The following SNX2 variants were observed in gnomAD, a reference collection of about 807,000 sequenced individuals.
SNX2 encodes the protein sorting nexin-2.
In SNX2, 25 loss-of-function variants were observed where a neutral mutation model predicts 69.9. The ratio of observed to expected loss-of-function variants is 0.36; its 90% CI spans 0.26 to 0.50. The LOEUF (loss-of-function observed/expected upper bound fraction) is 0.50. Among genes scored for constraint, SNX2 ranks in the 20% least tolerant of loss-of-function variants. The pLI, the probability that SNX2 is intolerant of heterozygous loss-of-function variation, is 0.97. For missense variants in SNX2, 551 were observed against 613.3 expected, an observed-to-expected ratio of 0.90 and a Z score of 1.07; for synonymous variants, 229 against 200.4, an observed-to-expected ratio of 1.14 and a Z score of -1.20.
chr5:122,820,504 C>G (rs1211767211), intron 11 of SNX2, among the ~76,000 whole-genome samples: 1 of 151,920 alleles, frequency 6.6e-6, no homozygotes, highest in Non-Finnish European at 1.5e-5. Flanking sequence ...CAACTGCACT[C>G]CAGCCTGGCG....
intron 11 of SNX2, among the ~76,000 whole-genome samples, chr5:122,821,599 C>T (rs1333363139): frequency 6.6e-6 from 1 of 151,984 alleles, no homozygotes; most frequent in Non-Finnish European, 1.5e-5. Context: ...GGACTACAGG[C>T]GCCCACCATC....
Position 122,827,493 on chromosome 5 carries a change from C to A in SNX2, c.1437+34C>A, listed in dbSNP as rs767488587. ...AATAATTTTGCATTTATCTTAACAACATGGTCACATTTTGCTGCAATTTTG... is the reference window on the plus strand; with the variant it reads ...AATAATTTTGCATTTATCTTAACAAAATGGTCACATTTTGCTGCAATTTTG... On this transcript the variant is annotated intron_variant, in intron 13 of 14. Coordinates refer to ENST00000379516, the MANE Select transcript of SNX2 (RefSeq NM_003100.4). The A allele has an allele frequency of 4.4e-6, 7 of 1,601,616 alleles. No individual in the cohort carries two copies. In the African/African-American group the frequency reaches 9.4e-5, roughly 21 times the overall value.
chr5:122,816,559 C>G (rs966038380), intron 8 of SNX2, among the ~76,000 whole-genome samples: 1 of 152,114 alleles, frequency 6.6e-6, no homozygotes, highest in African/African-American at 2.4e-5. Context: ...TCAAGACTTT[C>G]TTCTTTCCTT....
intron 1 of SNX2, among the ~76,000 whole-genome samples, chr5:122,778,345 G>A (rs1166252658): frequency 6.6e-6 from 1 of 152,080 alleles, no homozygotes; most frequent in Non-Finnish European, 1.5e-5. Context: ...CCAGTAGTGG[G>A]ATTGCTGAAT....
chr5:122,799,147 C>T (rs1437539673), intron 2 of SNX2, among the ~76,000 whole-genome samples: 1 of 152,078 alleles, frequency 6.6e-6, no homozygotes, highest in African/African-American at 2.4e-5. Context: ...TAATTTAAAA[C>T]CTAAACACCT....
In SNX2 at chr5:122,815,814, A is replaced by T; in HGVS notation, c.723-82A>T. Reference sequence around the variant, plus strand: ...GGTAGTGAGGACACTTTTTTTTCCTAGTATTTCTATTTTTTTATCATTTTG... The same window carrying T: ...GGTAGTGAGGACACTTTTTTTTCCTTGTATTTCTATTTTTTTATCATTTTG... On this transcript the variant is annotated intron_variant, in intron 7 of 14. Coordinates refer to ENST00000379516, the MANE Select transcript of SNX2 (RefSeq NM_003100.4). 1.6e-5 allele frequency: 11 copies of T among 669,136 alleles called. No individual in the cohort carries two copies. The Admixed American group carries it at 1.8e-4, about 11-fold the overall frequency. The allele number at this position is 669,136 out of a possible 1,614,324, so 41.4% of individuals were successfully genotyped here. A position where few individuals can be genotyped will look rare whatever the true frequency, so the allele number is the denominator to read the frequency against.
rs58159922 is a variant in SNX2, at chr5:122,831,009, C to CAAAAAAAA, written c.*1378_*1385dup. Among the ~76,000 whole-genome samples, 13 of 62,996 alleles carry CAAAAAAAA rather than the reference C, an allele frequency of 2.1e-4. 1 individual carries two copies. The highest frequency in any genetic ancestry group is 4.2e-4 in the African/African-American group (7 of 16,766). The allele number at this position is 62,996 out of a possible 152,430, so 41.3% of individuals were successfully genotyped here. On this transcript the variant is annotated 3_prime_UTR_variant, in exon 15 of 15. Coordinates refer to ENST00000379516, the MANE Select transcript of SNX2 (RefSeq NM_003100.4). ...AGGCAACAAAAGCAAAACTCCATCT[C>CAAAAAAAA]AAAAAAAAAAAAAAAAAAAAAAAAG...
At chr5:122,798,164 T>C (rs981940931) in intron 2 of SNX2, among the ~76,000 whole-genome samples, 5 of 151,682 alleles carry the variant, frequency 3.3e-5, no homozygotes, top group Admixed American at 6.6e-5. Context: ...ATATACTGCT[T>C]TTTTTTTACT....
At chr5:122,805,216 G>A (rs1416962006) in intron 6 of SNX2, among the ~76,000 whole-genome samples, 2 of 151,570 alleles carry the variant, frequency 1.3e-5, no homozygotes, top group African/African-American at 4.9e-5. Flanking sequence ...GCTTGAACTG[G>A]GGAGGCAGAG....
At chr5:122,815,691 G>A (rs1054062589) in intron 7 of SNX2, 2 of 352,640 alleles carry the variant, frequency 5.7e-6, no homozygotes, top group Non-Finnish European at 5.1e-6. Context: ...TATGAAAACT[G>A]GATAGTATAT....
chr5:122,817,863 A>G (rs1025862443), intron 10 of SNX2, among the ~76,000 whole-genome samples: 6 of 152,056 alleles, frequency 3.9e-5, no homozygotes, highest in African/African-American at 1.4e-4. Context: ...TTGAACTGCA[A>G]TATTGAAAAA....
chr5:122,817,465 T>C (rs1753923882), intron 10 of SNX2, 92 bp downstream of exon 10: 1 of 786,506 alleles, frequency 1.3e-6, no homozygotes, highest in Non-Finnish European at 1.9e-6. Flanking sequence ...TCTGAAGTTA[T>C]TGCAGAAGAG....
chr5:122,807,201 G>C (rs1455755808), intron 6 of SNX2, among the ~76,000 whole-genome samples: 1 of 152,118 alleles, frequency 6.6e-6, no homozygotes. Flanking sequence ...TATAGGGGCT[G>C]CAGTGAACCG....
intron 7 of SNX2, among the ~76,000 whole-genome samples, chr5:122,809,067 GA>G (rs1246633899): frequency 6.6e-6 from 1 of 151,800 alleles, no homozygotes; most frequent in Non-Finnish European, 1.5e-5. Flanking sequence ...GAAAATATTT[GA>G]AAAAAATAAT....
chr5:122,799,940 A>T, intron 3 of SNX2, 85 bp downstream of exon 3: 1 of 1,072,072 alleles, frequency 9.3e-7, no homozygotes, highest in Non-Finnish European at 1.3e-6. Context: ...GTCATTTCTA[A>T]TCAAAGCCTT....
chr5:122,801,855 T>C lies in SNX2; in HGVS notation c.391-14T>C, dbSNP rs752947167. The C allele has an allele frequency of 6.1e-6, 9 of 1,483,480 alleles. No homozygotes were observed. The highest frequency in any genetic ancestry group is 1.4e-5 in the African/African-American group (1 of 71,240). 91.9% of individuals were successfully genotyped at this position (1,483,480 alleles called of 1,614,324 possible). A position where few individuals can be genotyped will look rare whatever the true frequency, so the allele number is the denominator to read the frequency against. On this transcript the variant is annotated splice_polypyrimidine_tract_variant and intron_variant, in intron 3 of 14. Coordinates refer to ENST00000379516, the MANE Select transcript of SNX2 (RefSeq NM_003100.4). ...TATAATTTTTAATGCCAAAAAATAA[T>C]TTATACTTTCTAGATTGAAGAAGAA...
chr5:122,776,335 C>A (rs1433406345), intron 1 of SNX2, among the ~76,000 whole-genome samples: 1 of 152,038 alleles, frequency 6.6e-6, no homozygotes, highest in Non-Finnish European at 1.5e-5. Context: ...AGTGTCCCAC[C>A]CAAACCCCAC....
At chr5:122,806,113 C>CGTGTGTGTGTGTGT (rs767764868) in intron 6 of SNX2, among the ~76,000 whole-genome samples, 4 of 117,332 alleles carry the variant, frequency 3.4e-5, no homozygotes, top group African/African-American at 1.3e-4. Context: ...TGTGTGTGTG[C>CGTGTGTGTGTGTGT]GTGTGTGTAT....
At position 122,806,235 on chromosome 5, in the gene SNX2, A is replaced by G. The variant is rs372213657; in HGVS notation, c.644-2042A>G. On this transcript the variant is annotated intron_variant, in intron 6 of 14. Coordinates refer to ENST00000379516, the MANE Select transcript of SNX2 (RefSeq NM_003100.4). ...ACAGTTTATATATAGAGAAATTATCAGGAAAAAAATAAATGTAGTCAAATA... is the reference window on the plus strand; with the variant it reads ...ACAGTTTATATATAGAGAAATTATCGGGAAAAAAATAAATGTAGTCAAATA... Among the ~76,000 whole-genome samples the G allele has an allele frequency of 2.6e-5, 4 of 152,110 alleles. No individual in the cohort carries two copies. The East Asian group carries it at 7.7e-4, about 29-fold the overall frequency.
Sources: gnomAD v4.1 joint callset for allele counts (sites outside exome capture counted in the v4.1 genomes callset) on GRCh38, gnomAD v4.1.1 for gene constraint, MANE v1.5 for transcripts, NCBI Gene and HGNC (gene_info 2026-07-23, HGNC 2026-07-21) for gene names.